The following COL4A2 variants were observed in gnomAD, a reference collection of about 807,000 sequenced individuals.
The protein encoded by COL4A2 is collagen alpha-2(IV) chain.
COL4A2 carries 99 observed loss-of-function variants against 200.2 expected under a neutral mutation model. The observed-to-expected ratio is 0.49, with a 90% CI of 0.42 to 0.58. COL4A2 has a LOEUF of 0.58. COL4A2 is among the 20% of genes least tolerant of loss of function. The pLI is 0.00. For synonymous variants in COL4A2, 897 were observed against 900.6 expected (o/e 1.00, Z 0.07); for missense variants, 1,950 against 2,314.1 (o/e 0.84, Z 3.23).
chr13:110,457,344 C>T lies in COL4A2; in HGVS notation c.1341C>T (p.Gly447=), dbSNP rs1379482101. 1 of 1,609,376 alleles carries T rather than the reference C, an allele frequency of 6.2e-7. No individual in the cohort carries two copies. Among genetic ancestry groups the T allele is most frequent in the African/African-American group, 1.3e-5 (1 of 74,970 alleles). Residue 447 remains glycine (G), a splice_region_variant and synonymous_variant, in exon 21 of 48, where the codon GGC becomes GGT. Coordinates refer to ENST00000360467, the MANE Select transcript of COL4A2 (RefSeq NM_001846.4). The part of the protein sequence containing the change: ...PGLPGPPGPD[G]FLFGLKGAKG... ...CTGCATCTGTGGTTGTCTCTCTAGGCTTCCTGTTTGGGCTGAAAGGAGCAA... is the reference window on the plus strand; with the variant it reads ...CTGCATCTGTGGTTGTCTCTCTAGGTTTCCTGTTTGGGCTGAAAGGAGCAA...
At chr13:110,405,695 T>C (rs1217024562) in intron 4 of COL4A2, among the ~76,000 whole-genome samples, 13 of 152,328 alleles carry the variant, frequency 8.5e-5, no homozygotes, top group Admixed American at 2.6e-4. Context: ...AACTTACACA[T>C]TGAGCAATTT....
chr13:110,425,422 G>A (rs1306686184), intron 6 of COL4A2, among the ~76,000 whole-genome samples: 10 of 152,086 alleles, frequency 6.6e-5, no homozygotes, highest in African/African-American at 1.2e-4. Context: ...CACATAAAAC[G>A]AAAAACAAAA....
intron 8 of COL4A2, 78 bp downstream of exon 8, chr13:110,430,034 A>G (rs1880617041): frequency 4.3e-6 from 6 of 1,400,194 alleles, no homozygotes; most frequent in Non-Finnish European, 4.8e-6. Context: ...TTGCCAAGTG[A>G]ACTTTGCATG....
chr13:110,502,407 C>G (rs1883677466), intron 41 of COL4A2, among the ~76,000 whole-genome samples: 1 of 152,196 alleles, frequency 6.6e-6, no homozygotes, highest in Non-Finnish European at 1.5e-5. Context: ...TCGCTGCAAT[C>G]TCCGCCTCCC....
chr13:110,485,089 C>G, intron 33 of COL4A2, 62 bp downstream of exon 33: 1 of 1,429,694 alleles, frequency 7.0e-7, no homozygotes, highest in Non-Finnish European at 9.3e-7. Context: ...CGCACCAGCT[C>G]GTGCCCTTCT....
At position 110,429,979 on chromosome 13, in the gene COL4A2, G is replaced by A. The variant is rs772097573; in HGVS notation, c.549+23G>A. 5 of 1,556,040 alleles carry A rather than the reference G, an allele frequency of 3.2e-6. No homozygotes were observed. In the East Asian group the frequency reaches 9.4e-5, roughly 29 times the overall value. On this transcript the variant is annotated intron_variant, in intron 8 of 47. Transcript: ENST00000360467. ...CGGGTACGTTTGCAAGAGATGGGAGGGGTAATGAAGGGACCCAGTGTAAAT... is the reference window on the plus strand; with the variant it reads ...CGGGTACGTTTGCAAGAGATGGGAGAGGTAATGAAGGGACCCAGTGTAAAT...
intron 4 of COL4A2, among the ~76,000 whole-genome samples, chr13:110,386,975 C>T (rs1347817144): frequency 6.6e-6 from 1 of 152,158 alleles, no homozygotes; most frequent in Admixed American, 6.5e-5. Context: ...CACGGTGGCT[C>T]ATACCTGTAA....
chr13:110,424,998 G>A lies in COL4A2; in HGVS notation c.360+1G>A, dbSNP rs759305120. 8 of 1,614,084 alleles carry A rather than the reference G, an allele frequency of 5.0e-6. No homozygotes were observed. The highest frequency in any genetic ancestry group is 5.9e-6 in the Non-Finnish European group (7 of 1,180,038). On this transcript the variant is annotated splice_donor_variant, in intron 6 of 47. Transcript: ENST00000360467. LOFTEE classifies it high-confidence loss of function. ...ATTCCCTGGTGCCGATGGAATTCCT[G>A]TAAGTTTTATGGAAGACTGGAATTT...
chr13:110,495,995 G>A (rs146369729), intron 40 of COL4A2, among the ~76,000 whole-genome samples: 7 of 152,200 alleles, frequency 4.6e-5, no homozygotes, highest in South Asian at 2.1e-4. Context: ...AGGGTGTTGC[G>A]GTCTCATTGT....
intron 3 of COL4A2, among the ~76,000 whole-genome samples, chr13:110,329,732 A>G (rs867054819): frequency 4.6e-5 from 7 of 152,330 alleles, no homozygotes; most frequent in Middle Eastern, 6.8e-3. Flanking sequence ...TTCCAGGTCC[A>G]CACGGCTCTG....
At chr13:110,490,814 C>T (rs1883261324) in intron 36 of COL4A2, among the ~76,000 whole-genome samples, 1 of 152,258 alleles carries the variant, frequency 6.6e-6, no homozygotes, top group Non-Finnish European at 1.5e-5. Context: ...ACGCTACCCC[C>T]ACCCAAGAAT....
chr13:110,502,119 C>T (rs1348503070), intron 41 of COL4A2, among the ~76,000 whole-genome samples: 1 of 152,166 alleles, frequency 6.6e-6, no homozygotes, highest in Non-Finnish European at 1.5e-5. Context: ...TTCCTAATCA[C>T]GAACGAGCTG....
At chr13:110,351,230 T>TGTTTGTTTGTTTGTTTGTTC (rs1876947093) in intron 3 of COL4A2, among the ~76,000 whole-genome samples, 1 of 151,402 alleles carries the variant, frequency 6.6e-6, no homozygotes, top group South Asian at 2.1e-4. Context: ...TTTGTTTGTT[T>TGTTTGTTTGTTTGTTTGTTC]GTTTGTTTGT....
intron 4 of COL4A2, among the ~76,000 whole-genome samples, chr13:110,380,543 A>G (rs1269441494): frequency 6.6e-6 from 1 of 152,242 alleles, no homozygotes; most frequent in African/African-American, 2.4e-5. Context: ...TTCTATGCAC[A>G]CACTCACATT....
intron 4 of COL4A2, among the ~76,000 whole-genome samples, chr13:110,392,977 G>A (rs1299382605): frequency 1.3e-5 from 2 of 152,220 alleles, no homozygotes; most frequent in Non-Finnish European, 2.9e-5. Context: ...CTTACATGGA[G>A]GATTCTGACT....
Position 110,466,928 on chromosome 13 carries a change from A to G in COL4A2, c.2039-112A>G. The stretch of plus-strand genomic sequence containing the variant: ...TAAATCATTAAGTTACTCTGATCCC[A>G]GAATGGTAGCCGGTTTGCACAGCTC... On this transcript the variant is annotated intron_variant, in intron 26 of 47. Coordinates refer to ENST00000360467, the MANE Select transcript of COL4A2 (RefSeq NM_001846.4). The G allele has an allele frequency of 3.0e-6, 4 of 1,355,530 alleles. No homozygotes were observed. The South Asian group carries it at 5.2e-5, about 17-fold the overall frequency. The allele number at this position is 1,355,530 out of a possible 1,614,324, so 84.0% of individuals were successfully genotyped here.
chr13:110,396,033 T>G (rs895652946), intron 4 of COL4A2, among the ~76,000 whole-genome samples: 6 of 152,212 alleles, frequency 3.9e-5, no homozygotes, highest in African/African-American at 1.2e-4. Context: ...AAGGTTTTAG[T>G]GAAAATGAAT....
At chr13:110,368,857 G>T (rs55667735) in intron 4 of COL4A2, among the ~76,000 whole-genome samples, 1 of 118,556 alleles carries the variant, frequency 8.4e-6, no homozygotes, top group African/African-American at 3.0e-5. Flanking sequence ...AAGGGGGGGG[G>T]GGGGTTGAGC....
rs771326068 is a variant in COL4A2, at chr13:110,485,759, A to ATCCCC, written c.3131_3135dup (p.Gly1046SerfsTer23). On this transcript the variant is annotated frameshift_variant, in exon 34 of 48. Transcript: ENST00000360467. LOFTEE classifies it high-confidence loss of function. ...CAAGGGAGACATCGGAGTCCCCGGC[A>ATCCCC]TCCCCGGTTTGCCAGGATTCCCTGG... 3.7e-6 allele frequency: 6 copies of ATCCCC among 1,613,792 alleles called. No homozygotes were observed. The African/African-American group carries it at 8.0e-5, about 22-fold the overall frequency.
Sources: allele counts gnomAD v4.1 joint callset (sites outside exome capture counted in the v4.1 genomes callset), GRCh38; gene constraint gnomAD v4.1.1; transcripts MANE v1.5; gene names NCBI Gene and HGNC (gene_info 2026-07-23, HGNC 2026-07-21).